Variants in YLPM1 observed in about 807,000 individuals in gnomAD.
YLPM1 encodes YLP motif containing 1.
YLPM1 carries 99 observed loss-of-function variants against 230.0 expected under a neutral mutation model. That is an observed-to-expected ratio of 0.43 (90% CI 0.37 to 0.51). The LOEUF is 0.51. Ranked by LOEUF, YLPM1 falls within the 20% of genes least tolerant of loss-of-function variation. The probability of loss-of-function intolerance (pLI) is 0.00; values close to 1 mark genes in which losing one functional copy is unlikely to be tolerated. For missense variants in YLPM1, 2,592 were observed against 2,707.7 expected (o/e 0.96, Z 0.95); for synonymous variants, 984 against 942.5 (o/e 1.04, Z -0.81).
At chr14:74,783,342 C>T (rs2091114220) in intron 4 of YLPM1, among the ~76,000 whole-genome samples, 4 of 152,156 alleles carry the variant, frequency 2.6e-5, no homozygotes, top group Admixed American at 2.6e-4. Context: ...CTGCCGTGGC[C>T]TCCCAAAGTG....
chr14:74,763,383 C>T lies in YLPM1; in HGVS notation c.-107C>T. 1 of 1,332,924 alleles carries T rather than the reference C, an allele frequency of 7.5e-7. No homozygotes were observed. The highest frequency in any genetic ancestry group is 9.8e-7 in the Non-Finnish European group (1 of 1,022,384). 82.6% of individuals were successfully genotyped at this position (1,332,924 alleles called of 1,614,324 possible). A position where few individuals can be genotyped will look rare whatever the true frequency, so the allele number is the denominator to read the frequency against. Reference sequence around the variant, plus strand: ...CGCGCTCCGTTTACACGCTCCGGGGCCTGTAGGCGCCGCGAGTTCCGGCTG... The same window carrying T: ...CGCGCTCCGTTTACACGCTCCGGGGTCTGTAGGCGCCGCGAGTTCCGGCTG... On this transcript the variant is annotated 5_prime_UTR_variant, in exon 1 of 21. Coordinates refer to ENST00000325680, the MANE Select transcript of YLPM1 (RefSeq NM_019589.3).
rs190405940 is a variant in YLPM1 at position 74,802,593 on chromosome 14, G to A, written c.4438G>A (p.Gly1480Arg). The A allele has an allele frequency of 3.4e-5, 55 of 1,612,988 alleles. No homozygotes were observed. In the East Asian group the frequency reaches 4.0e-4, roughly 12 times the overall value. The change falls in exon 6 of 21, where the codon GGG becomes AGG. Residue 1480 changes from glycine (G) to arginine (R), a missense_variant. By Grantham distance (125) the Gly-to-Arg change is moderately radical. Coordinates refer to ENST00000325680, the MANE Select transcript of YLPM1 (RefSeq NM_019589.3). Reference protein sequence around the residue: ...KEQLQKMKDFGSEPQMADHLP... With the variant: ...KEQLQKMKDFRSEPQMADHLP... ...ACAGCTTCAAAAGATGAAAGACTTC[G>A]GGTCTGAGCCACAGATGGCTGACCA...
intron 4 of YLPM1, 71 bp downstream of exon 4, chr14:74,782,396 T>C: frequency 6.8e-7 from 1 of 1,468,960 alleles, no homozygotes; most frequent in Non-Finnish European, 9.0e-7. Flanking sequence ...TGGTTCTCGA[T>C]GGTATAAAAA....
At position 74,810,422 on chromosome 14, in the gene YLPM1, T is replaced by G; in HGVS notation, c.5228+2T>G. The G allele has an allele frequency of 6.2e-7, 1 of 1,612,664 alleles. No individual in the cohort carries two copies. Among genetic ancestry groups the G allele is most frequent in the Non-Finnish European group, 8.5e-7 (1 of 1,179,508 alleles). On this transcript the variant is annotated splice_donor_variant, in intron 9 of 20. Coordinates refer to ENST00000325680, the MANE Select transcript of YLPM1 (RefSeq NM_019589.3). LOFTEE classifies it high-confidence loss of function. ...AGAACGCCGACCCCGAGATGATAGGTATGCTATAAAACAATCTTTGCTAGG... is the reference window on the plus strand; with the variant it reads ...AGAACGCCGACCCCGAGATGATAGGGATGCTATAAAACAATCTTTGCTAGG...
At chr14:74,819,379 A>G (rs565931925) in intron 16 of YLPM1, among the ~76,000 whole-genome samples, 1 of 149,166 alleles carries the variant, frequency 6.7e-6, no homozygotes, top group African/African-American at 2.5e-5. Context: ...GGTTCAGGCG[A>G]TTCTCCTGCC....
intron 9 of YLPM1, among the ~76,000 whole-genome samples, chr14:74,811,064 T>G (rs1428872377): frequency 6.6e-6 from 1 of 152,096 alleles, no homozygotes; most frequent in Non-Finnish European, 1.5e-5. Context: ...TGAGCTCAAG[T>G]GATCCACCTG....
rs1325487147 is a variant in YLPM1 at position 74,798,928 on chromosome 14, G to A, written c.3631G>A (p.Ala1211Thr). The change falls in exon 5 of 21, where the codon GCT (alanine) becomes ACT (threonine). Residue 1211 changes from alanine (A) to threonine (T), a missense_variant. Ala to Thr is a moderately conservative substitution (Grantham distance 58, BLOSUM62 0). Transcript: ENST00000325680. ...AGAGTTTCCATTAGATGGTAGAAAT[G>A]CTCCAATGGAACGAGAAAGACTCGA... ...HEEFPLDGRNAPMERERLDDW... is the reference protein window; with the variant it reads ...HEEFPLDGRNTPMERERLDDW... 1 of 1,613,896 alleles carries A rather than the reference G, an allele frequency of 6.2e-7. No individual in the cohort carries two copies. Among genetic ancestry groups the A allele is most frequent in the Non-Finnish European group, 8.5e-7 (1 of 1,179,848 alleles).
chr14:74,764,394 C>A, intron 1 of YLPM1, 32 bp downstream of exon 1: 2 of 1,555,920 alleles, frequency 1.3e-6, no homozygotes, highest in Non-Finnish European at 8.7e-7. Context: ...CCTCATCTTT[C>A]ACCTAGAGGG....
At chr14:74,772,902 T>G (rs2090993029) in intron 1 of YLPM1, among the ~76,000 whole-genome samples, 1 of 152,228 alleles carries the variant, frequency 6.6e-6, no homozygotes, top group Non-Finnish European at 1.5e-5. Context: ...TCATTATTAT[T>G]TATTTGCAGA....
At chr14:74,819,674 G>C in intron 16 of YLPM1, among the ~76,000 whole-genome samples, 1 of 152,106 alleles carries the variant, frequency 6.6e-6, no homozygotes. Context: ...TTTCACTAAT[G>C]ATTTCCGTGG....
chr14:74,797,542 T>A, intron 4 of YLPM1, 38 bp from the exon 5 acceptor site: 2 of 1,407,316 alleles, frequency 1.4e-6, no homozygotes, highest in Non-Finnish European at 1.9e-6. Context: ...TTTTTTCTGC[T>A]TTACTGTCTT....
At chr14:74,821,332 T>A in intron 17 of YLPM1, 195 bp downstream of exon 17, 1 of 761,376 alleles carries the variant, frequency 1.3e-6, no homozygotes, top group Non-Finnish European at 1.9e-6. Flanking sequence ...AATGTGGTGT[T>A]AAGAGAAAGT....
intron 6 of YLPM1, among the ~76,000 whole-genome samples, chr14:74,805,171 C>T (rs558973932): frequency 2.0e-4 from 30 of 152,064 alleles, no homozygotes; most frequent in African/African-American, 6.5e-4. Context: ...AGGTGCCTGG[C>T]ACCACACCTG....
chr14:74,785,242 A>G (rs1028739647), intron 4 of YLPM1, among the ~76,000 whole-genome samples: 2 of 152,168 alleles, frequency 1.3e-5, no homozygotes, highest in African/African-American at 2.4e-5. Context: ...CCATCATTTC[A>G]GTCTGCTGAA....
At chr14:74,835,134 G>A (rs1008137687) in intron 19 of YLPM1, 131 bp from the exon 20 acceptor site, 29 of 1,160,230 alleles carry the variant, frequency 2.5e-5, no homozygotes, top group Admixed American at 2.1e-4. Context: ...AGTTTTCCTG[G>A]GTTAGTTTTT....
chr14:74,781,857 T>C lies in YLPM1; in HGVS notation c.1814T>C (p.Leu605Pro). 6.2e-7 allele frequency: 1 copy of C among 1,612,208 alleles called. No individual in the cohort carries two copies. Among genetic ancestry groups the C allele is most frequent in the Non-Finnish European group, 8.5e-7 (1 of 1,179,242 alleles). ...TCTTCTGCAGGGCCACCACCAGTTC[T>C]TCCCCCACCATCTCTCTCTTCAACA... ...SLSSAGPPPV[L>P]PPPSLSSTAP... The change falls in exon 4 of 21, where the codon CTT (leucine) becomes CCT (proline). Residue 605 changes from leucine to proline, a missense_variant. Leu to Pro is a moderately conservative substitution (Grantham distance 98). Transcript: ENST00000325680.
At chr14:74,801,616 TC>T (rs767742593) in intron 5 of YLPM1, among the ~76,000 whole-genome samples, 11 of 152,118 alleles carry the variant, frequency 7.2e-5, no homozygotes, top group Admixed American at 2.0e-4. Flanking sequence ...TCCCCAAGAA[TC>T]AGATAACAAA....
In YLPM1 at chr14:74,812,733, A is replaced by G; in HGVS notation, c.5453A>G (p.Asn1818Ser). The G allele has an allele frequency of 6.2e-7, 1 of 1,613,724 alleles. No individual in the cohort carries two copies. The highest frequency in any genetic ancestry group is 8.5e-7 in the Non-Finnish European group (1 of 1,179,780). ...GTCGAGAAGAAGCCTGAATCAAAGA[A>G]TGTGGACGATATTTTGAAACCACCG... is the stretch of plus-strand genomic sequence containing the variant. ...PRVEKKPESKNVDDILKPPGR... is the reference protein window; with the variant it reads ...PRVEKKPESKSVDDILKPPGR... The change falls in exon 11 of 21, where the codon AAT becomes AGT. Residue 1818 changes from asparagine (N) to serine (S), a missense_variant. Asn to Ser is a conservative substitution (Grantham distance 46, BLOSUM62 1). Around this residue, in one of 4 missense-constraint regions of YLPM1, gnomAD observed 315 missense variants for 429.3 expected, o/e 0.73. Coordinates refer to ENST00000325680, the MANE Select transcript of YLPM1 (RefSeq NM_019589.3).
intron 11 of YLPM1, among the ~76,000 whole-genome samples, chr14:74,815,006 T>A (rs2091465391): frequency 6.6e-6 from 1 of 152,246 alleles, no homozygotes; most frequent in Non-Finnish European, 1.5e-5. Flanking sequence ...TTTGTTGGCA[T>A]ACAATTGTTC....
Sources: gnomAD v4.1 joint callset for allele counts (sites outside exome capture counted in the v4.1 genomes callset) on GRCh38, gnomAD v4.1.1 for gene constraint, gnomAD v4.1.1 regional missense constraint, MANE v1.5 for transcripts, NCBI Gene and HGNC (gene_info 2026-07-23, HGNC 2026-07-21) for gene names.